The following COPRS variants were observed in gnomAD, a reference collection of about 807,000 sequenced individuals.
COPRS encodes cooperator of PRMT5.
Under a neutral mutation model 19.9 loss-of-function variants are expected in COPRS, and 11 were observed. The ratio of observed to expected loss-of-function variants is 0.55; its 90% confidence interval spans 0.35 to 0.92. COPRS has a LOEUF of 0.92. Among genes scored for constraint, COPRS ranks in the 40% least tolerant of loss-of-function variants. COPRS has a pLI of 0.01. For missense variants in COPRS, 225 were observed against 229.9 expected, an observed-to-expected ratio of 0.98 and a Z score of 0.14; for synonymous variants, 81 against 82.7, an observed-to-expected ratio of 0.98 and a Z score of 0.11.
chr17:31,855,196 T>A (rs1002043979), intron 2 of COPRS, among the ~76,000 whole-genome samples: 3 of 151,144 alleles, frequency 2.0e-5, no homozygotes, highest in African/African-American at 7.3e-5. Flanking sequence ...GCCAACATGG[T>A]GAAAGCCCCT....
At chr17:31,858,832 G>A (rs1377615201) in intron 1 of COPRS, 2 of 1,549,364 alleles carry the variant, frequency 1.3e-6, no homozygotes, top group Non-Finnish European at 1.7e-6. Flanking sequence ...TACCAAATCC[G>A]CAGCGGCGCC....
intron 1 of COPRS, chr17:31,858,434 G>A (rs9906204): frequency 1.0e-6 from 1 of 984,094 alleles, no homozygotes; most frequent in Non-Finnish European, 1.2e-6. Flanking sequence ...TCCTGTGCCA[G>A]GCACTATGCT....
intron 2 of COPRS, 88 bp downstream of exon 2, chr17:31,856,711 G>T (rs1483601742): frequency 1.1e-6 from 1 of 872,874 alleles, no homozygotes; most frequent in East Asian, 2.4e-5. Context: ...GAGAGGACTG[G>T]CTAAAAGAGA....
intron 2 of COPRS, 140 bp downstream of exon 2, chr17:31,856,659 G>C (rs1354729666): frequency 1.4e-6 from 1 of 718,166 alleles, no homozygotes; most frequent in East Asian, 2.6e-5. Context: ...GCTTCCAAAG[G>C]AGGTTACTGT....
intron 2 of COPRS, chr17:31,856,522 T>C (rs1177006789): frequency 2.2e-6 from 1 of 445,094 alleles, no homozygotes; most frequent in Non-Finnish European, 4.0e-6. Context: ...GGTCTTAGAA[T>C]GTATCCCCTA....
At chr17:31,858,409 G>A (rs1909427174) in intron 1 of COPRS, 1 of 985,246 alleles carries the variant, frequency 1.0e-6, no homozygotes, top group Admixed American at 6.1e-5. Context: ...CATTCATCCA[G>A]TCGGTATGTC....
At position 31,852,892 on chromosome 17, in the gene COPRS, C is replaced by G. The variant is rs761830570; in HGVS notation, c.305G>C (p.Cys102Ser). 1.2e-6 allele frequency: 2 copies of G among 1,614,150 alleles called. No individual in the cohort carries two copies. Among genetic ancestry groups the G allele is most frequent in the Non-Finnish European group, 1.7e-6 (2 of 1,179,984 alleles). Residue 102 changes from cysteine (C) to serine (S), a missense_variant, in exon 3 of 4, where the codon TGT becomes TCT. Cys to Ser is a moderately radical substitution (Grantham distance 112). Transcript: ENST00000302362. ...ATCGCCAGGCTGTTCCTTGGGTGGA[C>G]AGTTTGTCCCTTCTGACAGCTCCCA... ...NTWELSEGTN[C>S]PPKEQPGDLF...
intron 2 of COPRS, among the ~76,000 whole-genome samples, chr17:31,855,150 C>A (rs569708210): frequency 6.6e-6 from 1 of 151,876 alleles, no homozygotes; most frequent in East Asian, 2.0e-4. Flanking sequence ...CCGAGGTGGG[C>A]GGATCACCTG....
At chr17:31,858,983 G>A in intron 1 of COPRS, 118 bp downstream of exon 1, 1 of 1,328,700 alleles carries the variant, frequency 7.5e-7, no homozygotes, top group Non-Finnish European at 9.6e-7. Flanking sequence ...GTCGCGGGGC[G>A]GCCCGAGGCC....
At chr17:31,857,425 G>A (rs1171334432) in intron 1 of COPRS, among the ~76,000 whole-genome samples, 3 of 152,182 alleles carry the variant, frequency 2.0e-5, no homozygotes, top group Non-Finnish European at 4.4e-5. Flanking sequence ...TTTATAGCTA[G>A]TAAACAACTC....
intron 1 of COPRS, among the ~76,000 whole-genome samples, chr17:31,858,131 T>C (rs940335999): frequency 4.6e-5 from 7 of 152,136 alleles, no homozygotes; most frequent in African/African-American, 1.7e-4. Flanking sequence ...AAATTAGCCA[T>C]GGCATTCGCA....
intron 1 of COPRS, among the ~76,000 whole-genome samples, chr17:31,857,372 C>T (rs529895313): frequency 4.6e-5 from 7 of 152,320 alleles, no homozygotes; most frequent in South Asian, 4.1e-4. Flanking sequence ...CCTGCGGTTG[C>T]CACCCCCAGG....
chr17:31,856,485 A>G (rs1341564133), intron 2 of COPRS: 2 of 371,200 alleles, frequency 5.4e-6, no homozygotes, highest in Non-Finnish European at 9.7e-6. Context: ...AAAAAAAAGC[A>G]GTTTCAGGCA....
chr17:31,855,738 G>GT (rs1486277427), intron 2 of COPRS, among the ~76,000 whole-genome samples: 4 of 151,726 alleles, frequency 2.6e-5, no homozygotes, highest in Non-Finnish European at 5.9e-5. Context: ...GCTCACACCT[G>GT]TAATCCCAGC....
At chr17:31,858,323 C>T in intron 1 of COPRS, 1 of 977,714 alleles carries the variant, frequency 1.0e-6, no homozygotes, top group Non-Finnish European at 1.2e-6. Flanking sequence ...CTATTCTGCA[C>T]TCCAAAGTAA....
rs958553437 is a variant in COPRS, at chr17:31,858,683, G to A, written c.99+418C>T. 1.7e-5 allele frequency: 24 copies of A among 1,431,760 alleles called. 1 individual carries two copies. In the South Asian group the frequency reaches 2.8e-4, roughly 17 times the overall value. The allele number at this position is 1,431,760 out of a possible 1,614,324, so 88.7% of individuals were successfully genotyped here. On this transcript the variant is annotated intron_variant, in intron 1 of 3. Transcript: ENST00000302362. The stretch of plus-strand genomic sequence containing the variant: ...GCGCATGTGACATCTGGGGCTCAGG[G>A]TTAGCTGGCATCCCCACCAACGGAC...
At position 31,859,086 on chromosome 17, in the gene COPRS, C is replaced by G. The variant is rs1425319027; in HGVS notation, c.99+15G>C. 2.7e-6 allele frequency: 3 copies of G among 1,127,352 alleles called. No individual in the cohort carries two copies. Among genetic ancestry groups the G allele is most frequent in the Non-Finnish European group, 3.2e-6 (3 of 923,616 alleles). 69.8% of individuals were successfully genotyped at this position (1,127,352 alleles called of 1,614,324 possible). A position where few individuals can be genotyped will look rare whatever the true frequency, so the allele number is the denominator to read the frequency against. Reference sequence around the variant, plus strand: ...TGCGGCTGGCTGTTGCTCCTGGCCCCCACGCGGCGCTCACCTCCGGGCTGG... The same window carrying G: ...TGCGGCTGGCTGTTGCTCCTGGCCCGCACGCGGCGCTCACCTCCGGGCTGG... On this transcript the variant is annotated intron_variant, in intron 1 of 3. Coordinates refer to ENST00000302362, the MANE Select transcript of COPRS (RefSeq NM_018405.4).
rs2142276983 is a variant in COPRS at position 31,856,805 on chromosome 17, G to A, written c.160C>T (p.Arg54Ter). Reference protein sequence around the residue: ...QERETEKAMDRLARGTQSIPN... With the variant: ...QERETEKAMD ...GTCTCTGCCATCTACTTGCCTAGTCGATCCATAGCCTTCTCAGTCTCTCTC... is the reference window on the plus strand; with the variant it reads ...GTCTCTGCCATCTACTTGCCTAGTCAATCCATAGCCTTCTCAGTCTCTCTC... The change falls in exon 2 of 4, where the codon CGA becomes TGA. Residue 54 changes from arginine (R) to a stop codon, truncating the protein, a stop_gained. Transcript: ENST00000302362. LOFTEE classifies it high-confidence loss of function. The A allele has an allele frequency of 1.9e-6, 3 of 1,600,160 alleles. No homozygotes were observed. Among genetic ancestry groups the A allele is most frequent in the Non-Finnish European group, 1.7e-6 (2 of 1,167,512 alleles).
Position 31,856,872 on chromosome 17 carries a change from G to A in COPRS, c.100-7C>T, listed in dbSNP as rs1267462544. ...CAGCTGTAGCAAAGCCAGCCTGCAG[G>A]AAGAAGAAATGATTACCAAGGACTT... On this transcript the variant is annotated splice_region_variant and splice_polypyrimidine_tract_variant and intron_variant, in intron 1 of 3. Coordinates refer to ENST00000302362, the MANE Select transcript of COPRS (RefSeq NM_018405.4). 3.2e-6 allele frequency: 5 copies of A among 1,583,906 alleles called. No homozygotes were observed. The highest frequency in any genetic ancestry group is 4.3e-6 in the Non-Finnish European group (5 of 1,153,980).
Sources: gnomAD v4.1 joint callset for allele counts (sites outside exome capture counted in the v4.1 genomes callset) on GRCh38, gnomAD v4.1.1 for gene constraint, MANE v1.5 for transcripts, NCBI Gene and HGNC (gene_info 2026-07-23, HGNC 2026-07-21) for gene names.